Variants in MPHOSPH8 observed in about 807,000 individuals in gnomAD.
MPHOSPH8 encodes the protein M-phase phosphoprotein, mpp.
In MPHOSPH8, 45 loss-of-function variants were observed where a neutral mutation model predicts 87.3. The ratio of observed to expected loss-of-function variants is 0.52; its 90% CI spans 0.41 to 0.66. MPHOSPH8 has a LOEUF of 0.66. Among genes scored for constraint, MPHOSPH8 ranks in the 30% least tolerant of loss-of-function variants. The pLI, the probability that MPHOSPH8 is intolerant of heterozygous loss-of-function variation, is 0.00. For synonymous variants in MPHOSPH8, 366 were observed against 376.9 expected, an observed-to-expected ratio of 0.97 and a Z score of 0.33; for missense variants, 883 against 1,020.2, an observed-to-expected ratio of 0.87 and a Z score of 1.83.
chr13:19,672,084 AT>A lies in MPHOSPH8; in HGVS notation c.*212del, dbSNP rs1876162797. ...TCTCAGTGCAGTGTCCAGACTGCGT[AT>A]TTCAGTTTTTCCACAATGTGGATAG... On this transcript the variant is annotated 3_prime_UTR_variant, in exon 14 of 14. Transcript: ENST00000361479. The A allele has an allele frequency of 1.8e-6, 1 of 564,634 alleles. No homozygotes were observed. Among genetic ancestry groups the A allele is most frequent in the Non-Finnish European group, 3.2e-6 (1 of 316,748 alleles). The allele number at this position is 564,634 out of a possible 1,614,324, so 35.0% of individuals were successfully genotyped here.
chr13:19,635,441 T>G (rs2137490950), intron 1 of MPHOSPH8, among the ~76,000 whole-genome samples: 1 of 152,234 alleles, frequency 6.6e-6, no homozygotes, highest in African/African-American at 2.4e-5. Flanking sequence ...GGCAGGAGAA[T>G]TGCTTGAACC....
At chr13:19,656,930 T>C (rs1472036964) in intron 5 of MPHOSPH8, among the ~76,000 whole-genome samples, 1 of 150,896 alleles carries the variant, frequency 6.6e-6, no homozygotes, top group Non-Finnish European at 1.5e-5. Context: ...GAGGCCAGCC[T>C]GGCCAACATG....
At chr13:19,646,041 G>A (rs1022514530) in intron 2 of MPHOSPH8, among the ~76,000 whole-genome samples, 1 of 152,042 alleles carries the variant, frequency 6.6e-6, no homozygotes, top group African/African-American at 2.4e-5. Flanking sequence ...AGGATCCAGG[G>A]TCTTAGAAAA....
chr13:19,640,604 T>TA (rs1481390698), intron 1 of MPHOSPH8, among the ~76,000 whole-genome samples: 1 of 152,044 alleles, frequency 6.6e-6, no homozygotes, highest in Non-Finnish European at 1.5e-5. Flanking sequence ...CTCCTGAGCT[T>TA]AAGCGATCCT....
rs1268971836 is a variant in MPHOSPH8 at position 19,672,582 on chromosome 13, A to AG, written c.*708dup. 6.5e-6 allele frequency: 1 copy of AG among 152,714 alleles called. No individual in the cohort carries two copies. Among genetic ancestry groups the AG allele is most frequent in the South Asian group, 2.1e-4 (1 of 4,844 alleles). 9.5% of individuals were successfully genotyped at this position (152,714 alleles called of 1,614,324 possible). A position where few individuals can be genotyped will look rare whatever the true frequency, so the allele number is the denominator to read the frequency against. On this transcript the variant is annotated 3_prime_UTR_variant, in exon 14 of 14. Transcript: ENST00000361479. ...AGCCATGTTATATTCAAGTTACCCA[A>AG]GCACCAAATAAAGTGTGGGTTTGCT...
chr13:19,664,665 G>A lies in MPHOSPH8; in HGVS notation c.2019+1539G>A, dbSNP rs1340942043. On this transcript the variant is annotated intron_variant, in intron 9 of 13. Transcript: ENST00000361479. ...TGGCAGGAGGGATGGAGTGGGTGAGGTGCCCACTTGGTAAGAGCTTGGTAA... is the reference window on the plus strand; with the variant it reads ...TGGCAGGAGGGATGGAGTGGGTGAGATGCCCACTTGGTAAGAGCTTGGTAA... Among the ~76,000 whole-genome samples, 7 of 152,198 alleles carry A rather than the reference G, an allele frequency of 4.6e-5. No individual in the cohort carries two copies. The South Asian group carries it at 1.0e-3, about 23-fold the overall frequency.
chr13:19,650,439 G>A (rs1441956646), intron 5 of MPHOSPH8, 179 bp downstream of exon 5: 1 of 606,258 alleles, frequency 1.6e-6, no homozygotes, highest in Admixed American at 3.6e-5. Context: ...ACTTCTCAAT[G>A]GATCAAACAA....
chr13:19,633,793 G>A lies in MPHOSPH8; in HGVS notation c.45G>A (p.Val15=). Residue 15 remains valine, a synonymous_variant, in exon 1 of 14, where the codon GTG becomes GTA. Coordinates refer to ENST00000361479, the MANE Select transcript of MPHOSPH8 (RefSeq NM_017520.4). ...AEGARVTAVP[V]SAADSTEELA... ...GAGCAAGGGTGACCGCAGTCCCTGT[G>A]TCAGCTGCCGACAGCACTGAGGAGT... The A allele has an allele frequency of 6.2e-7, 1 of 1,608,010 alleles. No homozygotes were observed. Among genetic ancestry groups the A allele is most frequent in the South Asian group, 1.1e-5 (1 of 89,590 alleles).
intron 1 of MPHOSPH8, among the ~76,000 whole-genome samples, chr13:19,638,235 CTG>C (rs1252389385): frequency 6.6e-6 from 1 of 152,022 alleles, no homozygotes; most frequent in Non-Finnish European, 1.5e-5. Flanking sequence ...AAAAATAAAA[CTG>C]TATTGCTGAA....
At position 19,650,049 on chromosome 13, in the gene MPHOSPH8, A is replaced by G; in HGVS notation, c.1365A>G (p.Pro455=). 6.2e-7 allele frequency: 1 copy of G among 1,607,220 alleles called. No individual in the cohort carries two copies. Among genetic ancestry groups the G allele is most frequent in the Non-Finnish European group, 8.5e-7 (1 of 1,176,864 alleles). Residue 455 remains proline (P), a synonymous_variant, in exon 5 of 14, where the codon CCA becomes CCG. Coordinates refer to ENST00000361479, the MANE Select transcript of MPHOSPH8 (RefSeq NM_017520.4). ...CATTTGATTTATTTAAATTAACTCC[A>G]GAAGAAAAAAATGATGTTTCTGAGA... The part of the protein sequence containing the change: ...RNAFDLFKLT[P]EEKNDVSENN...
chr13:19,639,425 C>T lies in MPHOSPH8; in HGVS notation c.214-2690C>T, dbSNP rs564109989. Among the ~76,000 whole-genome samples, 52 of 152,116 alleles carry T rather than the reference C, an allele frequency of 3.4e-4. 1 individual carries two copies. The highest frequency in any genetic ancestry group is 1.1e-3 in the African/African-American group (44 of 41,508). On this transcript the variant is annotated intron_variant, in intron 1 of 13. Coordinates refer to ENST00000361479, the MANE Select transcript of MPHOSPH8 (RefSeq NM_017520.4). ...TCCTGGGTTCAAGCGATTCTCCTGC[C>T]TCAGGCTCCTGAGTAGCCAGAATTA...
intron 13 of MPHOSPH8, 125 bp downstream of exon 13, chr13:19,671,414 G>A (rs997029846): frequency 1.3e-6 from 1 of 758,880 alleles, no homozygotes; most frequent in South Asian, 1.6e-5. Context: ...CACTCCCTGG[G>A]GTAGTGATGC....
At chr13:19,656,471 G>A (rs1875181344) in intron 5 of MPHOSPH8, among the ~76,000 whole-genome samples, 1 of 152,124 alleles carries the variant, frequency 6.6e-6, no homozygotes, top group Admixed American at 6.6e-5. Context: ...AAAAGATACA[G>A]TTTTCAGGCC....
intron 11 of MPHOSPH8, among the ~76,000 whole-genome samples, chr13:19,669,263 C>T (rs1875987864): frequency 6.6e-6 from 1 of 152,104 alleles, no homozygotes; most frequent in Non-Finnish European, 1.5e-5. Context: ...CTCACTGCAA[C>T]CTCTGCCTTC....
Position 19,646,947 on chromosome 13 carries a change from A to C in MPHOSPH8, c.874A>C (p.Asn292His). 6.3e-7 allele frequency: 1 copy of C among 1,593,264 alleles called. No individual in the cohort carries two copies. Among genetic ancestry groups the C allele is most frequent in the Non-Finnish European group, 8.5e-7 (1 of 1,175,022 alleles). Residue 292 changes from asparagine to histidine, a missense_variant, in exon 3 of 14, where the codon AAC becomes CAC. Coordinates refer to ENST00000361479, the MANE Select transcript of MPHOSPH8 (RefSeq NM_017520.4). ...LHSDSREEKQ[N>H]TKSARERAGQ... ...TTCCGACAGCAGAGAAGAGAAACAA[A>C]ACACTAAAAGTGCAAGAGAGAGAGC... is the stretch of plus-strand genomic sequence containing the variant.
intron 5 of MPHOSPH8, among the ~76,000 whole-genome samples, chr13:19,654,534 G>C (rs1371458211): frequency 2.0e-5 from 3 of 152,174 alleles, no homozygotes; most frequent in Non-Finnish European, 2.9e-5. Context: ...AGTCAGATGG[G>C]TTTCTCAAAC....
chr13:19,671,055 A>G, intron 12 of MPHOSPH8, 151 bp from the exon 13 acceptor site: 3 of 1,437,210 alleles, frequency 2.1e-6, no homozygotes, highest in Non-Finnish European at 2.7e-6. Context: ...TTCTGGGCTC[A>G]AGCGATTGTC....
At chr13:19,658,807 G>A (rs1472250741) in intron 5 of MPHOSPH8, among the ~76,000 whole-genome samples, 188 bp from the exon 6 acceptor site, 3 of 152,162 alleles carry the variant, frequency 2.0e-5, no homozygotes, top group African/African-American at 7.2e-5. Context: ...GCTTCTAAAT[G>A]TGGATCGTTC....
At chr13:19,670,490 T>A in intron 12 of MPHOSPH8, 127 bp downstream of exon 12, 1 of 1,147,466 alleles carries the variant, frequency 8.7e-7, no homozygotes, top group Non-Finnish European at 1.2e-6. Context: ...TAATAGTGGT[T>A]GGGAATGAGG....
Sources: gnomAD v4.1 joint callset for allele counts (sites outside exome capture counted in the v4.1 genomes callset) on GRCh38, gnomAD v4.1.1 for gene constraint, MANE v1.5 for transcripts, NCBI Gene and HGNC (gene_info 2026-07-23, HGNC 2026-07-21) for gene names.